The following PCDHGA11 variants were observed in gnomAD, a reference collection of about 807,000 sequenced individuals.
PCDHGA11 encodes protocadherin gamma subfamily A, 11.
In PCDHGA11, 39 loss-of-function variants were observed where a neutral mutation model predicts 60.4. The ratio of observed to expected loss-of-function variants is 0.65; its 90% confidence interval spans 0.50 to 0.84. The LOEUF (loss-of-function observed/expected upper bound fraction) is 0.84, where lower values mean the gene tolerates loss of function less well. Among genes scored for constraint, PCDHGA11 ranks in the 40% least tolerant of loss-of-function variants. The pLI, the probability that PCDHGA11 is intolerant of heterozygous loss-of-function variation, is 0.00. For synonymous variants in PCDHGA11, 533 were observed against 510.3 expected (o/e 1.04, Z -0.60); for missense variants, 1,165 against 1,197.7 (o/e 0.97, Z 0.40).
intron 1 of PCDHGA11, among the ~76,000 whole-genome samples, chr5:141,425,165 A>G (rs1391395593): frequency 6.6e-6 from 1 of 152,140 alleles, no homozygotes; most frequent in Non-Finnish European, 1.5e-5. Flanking sequence ...TAGGGATAGG[A>G]TTTATACTTG....
rs114669158 is a variant in PCDHGA11 at position 141,511,003 on chromosome 5, G to A, written c.2638G>A (p.Ala880Thr). The change falls in exon 4 of 4, where the codon GCC (alanine) becomes ACC (threonine). Residue 880 changes from alanine to threonine, a missense_variant. Physicochemically the swap from Ala to Thr is moderately conservative, Grantham distance 58 (BLOSUM62 0). Coordinates refer to ENST00000398587, the MANE Select transcript of PCDHGA11 (RefSeq NM_018914.3). Reference protein sequence around the residue: ...GGGAGTMGLSARYGPQFTLQH... With the variant: ...GGGAGTMGLSTRYGPQFTLQH... ...GGGTGCCGGCACCATGGGATTGAGCGCCCGCTACGGACCCCAGTTCACCCT... is the reference window on the plus strand; with the variant it reads ...GGGTGCCGGCACCATGGGATTGAGCACCCGCTACGGACCCCAGTTCACCCT... The A allele has an allele frequency of 1.0e-4, 163 of 1,614,148 alleles. 1 individual carries two copies. The highest frequency in any genetic ancestry group is 9.5e-5 in the Non-Finnish European group (112 of 1,180,012).
chr5:141,477,427 C>T lies in PCDHGA11; in HGVS notation c.2434-17380C>T. On this transcript the variant is annotated intron_variant, in intron 1 of 3. Coordinates refer to ENST00000398587, the MANE Select transcript of PCDHGA11 (RefSeq NM_018914.3). The surrounding 1 kb of genome is among the most constrained non-coding windows in gnomAD (Gnocchi z 4.9). ...CCCGAGACGCCGGAACCCCTTCCCT[C>T]TCAGCCCTTACAATAGTGCGTGTTC... The T allele has an allele frequency of 6.2e-7, 1 of 1,614,220 alleles. No homozygotes were observed. The highest frequency in any genetic ancestry group is 8.5e-7 in the Non-Finnish European group (1 of 1,180,046).
At position 141,423,166 on chromosome 5, in the gene PCDHGA11, G is replaced by A. The variant is rs367805855; in HGVS notation, c.1939G>A (p.Val647Ile). ...GCTCAAGCAGAGCCTCGTGGTGGCC[G>A]TCCAGGACCACGGCCAGCCCCCTCT... ...DALKQSLVVA[V>I]QDHGQPPLSA... The change falls in exon 1 of 4, where the codon GTC becomes ATC. Residue 647 changes from valine (V) to isoleucine (I), a missense_variant. By Grantham distance (29) the Val-to-Ile change is conservative. Transcript: ENST00000398587. 2.4e-5 allele frequency: 38 copies of A among 1,613,476 alleles called. No individual in the cohort carries two copies. The South Asian group carries it at 2.5e-4, about 11-fold the overall frequency.
chr5:141,498,531 G>A (rs1384404653), intron 2 of PCDHGA11, among the ~76,000 whole-genome samples: 3 of 148,544 alleles, frequency 2.0e-5, no homozygotes, highest in Non-Finnish European at 4.4e-5. Context: ...CTGCCCTCCA[G>A]CCTGGTCTGG....
chr5:141,476,733 G>C lies in PCDHGA11; in HGVS notation c.2434-18074G>C, dbSNP rs373439335. On this transcript the variant is annotated intron_variant, in intron 1 of 3. Transcript: ENST00000398587. This position sits in a 1 kb window ranked among gnomAD's most constrained non-coding sequence, Gnocchi z 7.6. ...TTGGAGCGCGCCCTGGACCGAGAAC[G>C]GGAGCCTAGTCTCCAGTTAGTGCTG... 6.2e-6 allele frequency: 10 copies of C among 1,614,062 alleles called. No individual in the cohort carries two copies. The highest frequency in any genetic ancestry group is 2.2e-5 in the East Asian group (1 of 44,870).
chr5:141,469,756 A>G (rs2099210350), intron 1 of PCDHGA11, among the ~76,000 whole-genome samples: 1 of 152,252 alleles, frequency 6.6e-6, no homozygotes. Context: ...ACAAAAATAC[A>G]TATATACCAG....
At chr5:141,430,140 A>C (rs1295602149) in intron 1 of PCDHGA11, among the ~76,000 whole-genome samples, 1 of 152,202 alleles carries the variant, frequency 6.6e-6, no homozygotes, top group Non-Finnish European at 1.5e-5. Context: ...CCTTCCATTC[A>C]GGATCATTCA....
chr5:141,485,895 C>G lies in PCDHGA11; in HGVS notation c.2434-8912C>G, dbSNP rs1243568042. On this transcript the variant is annotated intron_variant, in intron 1 of 3. Coordinates refer to ENST00000398587, the MANE Select transcript of PCDHGA11 (RefSeq NM_018914.3). This position sits in a 1 kb window ranked among gnomAD's most constrained non-coding sequence, Gnocchi z 5.7. Reference sequence around the variant, plus strand: ...CTGGACGTAAACGACAACGCCCCAGCCTTCCAGCAATCCAGCTACAGGATT... The same window carrying G: ...CTGGACGTAAACGACAACGCCCCAGGCTTCCAGCAATCCAGCTACAGGATT... 3 of 1,614,136 alleles carry G rather than the reference C, an allele frequency of 1.9e-6. No individual in the cohort carries two copies. The highest frequency in any genetic ancestry group is 2.5e-6 in the Non-Finnish European group (3 of 1,180,036).
rs144018757 is a variant in PCDHGA11, at chr5:141,443,001, A to G, written c.2433+19341A>G. On this transcript the variant is annotated intron_variant, in intron 1 of 3. Transcript: ENST00000398587. ...GTTAGCCTATAATTTCAGTAAATCTAAGAATATGACTAATGGAAGTTGCCA... is the reference window on the plus strand; with the variant it reads ...GTTAGCCTATAATTTCAGTAAATCTGAGAATATGACTAATGGAAGTTGCCA... Among the ~76,000 whole-genome samples the G allele has an allele frequency of 1.3e-3, 194 of 152,312 alleles. 1 individual carries two copies. The East Asian group carries it at 0.032, about 25-fold the overall frequency.
Position 141,485,818 on chromosome 5 carries a change from C to A in PCDHGA11, c.2434-8989C>A, listed in dbSNP as rs757848513. The A allele has an allele frequency of 1.2e-6, 2 of 1,613,910 alleles. No individual in the cohort carries two copies. The highest frequency in any genetic ancestry group is 1.7e-6 in the Non-Finnish European group (2 of 1,179,974). On this transcript the variant is annotated intron_variant, in intron 1 of 3. Transcript: ENST00000398587. The surrounding 1 kb of genome is among the most constrained non-coding windows in gnomAD (Gnocchi z 5.7). ...ACTACCGCCTGGTGCTGACTGCTGT[C>A]GATGGAGGGAACCCGCCGAGATCTG...
chr5:141,492,558 G>A (rs879634396), intron 1 of PCDHGA11, among the ~76,000 whole-genome samples: 1 of 152,236 alleles, frequency 6.6e-6, no homozygotes, highest in South Asian at 2.1e-4. Context: ...CGCCTGGGGG[G>A]CGGCCTGAGC....
chr5:141,487,029 T>C lies in PCDHGA11; in HGVS notation c.2434-7778T>C. 1.2e-6 allele frequency: 2 copies of C among 1,614,226 alleles called. No individual in the cohort carries two copies. Among genetic ancestry groups the C allele is most frequent in the Non-Finnish European group, 1.7e-6 (2 of 1,180,040 alleles). ...CTGGAGGCCCCAGATCCCAGCCTGT[T>C]TGCAGTCTCTCGATATGCTGGGGAG... is the stretch of plus-strand genomic sequence containing the variant. On this transcript the variant is annotated intron_variant, in intron 1 of 3. Coordinates refer to ENST00000398587, the MANE Select transcript of PCDHGA11 (RefSeq NM_018914.3). The surrounding 1 kb of genome is among the most constrained non-coding windows in gnomAD (Gnocchi z 5.0).
chr5:141,427,454 T>C (rs62379160), intron 1 of PCDHGA11: 18,356 of 489,902 alleles, frequency 0.037, 441 homozygotes, highest in Middle Eastern at 0.11. Context: ...GAGTTCCTTT[T>C]AGAATCGAAT....
Position 141,491,713 on chromosome 5 carries a change from G to T in PCDHGA11, c.2434-3094G>T. The T allele has an allele frequency of 6.2e-7, 1 of 1,609,174 alleles. No individual in the cohort carries two copies. The highest frequency in any genetic ancestry group is 8.5e-7 in the Non-Finnish European group (1 of 1,178,054). On this transcript the variant is annotated intron_variant, in intron 1 of 3. Transcript: ENST00000398587. The surrounding 1 kb of genome is among the most constrained non-coding windows in gnomAD (Gnocchi z 6.9). ...GGAGCGGAGCCAGGTGAGGGGCTCG[G>T]CGCCGCCCCGGGCGACCCCTGGGGG...
At position 141,433,142 on chromosome 5, in the gene PCDHGA11, G is replaced by T. The variant is rs2097571106; in HGVS notation, c.2433+9482G>T. On this transcript the variant is annotated intron_variant, in intron 1 of 3. Coordinates refer to ENST00000398587, the MANE Select transcript of PCDHGA11 (RefSeq NM_018914.3). ...AAAAAGCGAGCCCCTTTTGCTGTCA[G>T]GTGATTCGGTATTTTCTAAAGACAG... The T allele has an allele frequency of 4.7e-5, 76 of 1,613,992 alleles. No homozygotes were observed. Among genetic ancestry groups the T allele is most frequent in the Non-Finnish European group, 6.4e-5 (76 of 1,180,016 alleles).
intron 1 of PCDHGA11, among the ~76,000 whole-genome samples, chr5:141,494,034 A>T (rs1206242414): frequency 1.3e-5 from 2 of 152,162 alleles, no homozygotes; most frequent in Non-Finnish European, 2.9e-5. Flanking sequence ...CTGGAGACTT[A>T]GTTGGCCCTG....
In PCDHGA11 at chr5:141,423,448, T is replaced by A. The variant is rs780751840; in HGVS notation, c.2221T>A (p.Phe741Ile). The change falls in exon 1 of 4, where the codon TTT (phenylalanine) becomes ATT (isoleucine). Residue 741 changes from phenylalanine (F) to isoleucine (I), a missense_variant. Phe to Ile is a conservative substitution (Grantham distance 21). Transcript: ENST00000398587. Reference sequence around the variant, plus strand: ...GTTGGCAGGTATGCCCACGTCACATTTTGTAGGCGTGGACGGGGTACAGGC... The same window carrying A: ...GTTGGCAGGTATGCCCACGTCACATATTGTAGGCGTGGACGGGGTACAGGC... The part of the protein sequence containing the change: ...GGLAGMPTSH[F>I]VGVDGVQAFL... 6.2e-7 allele frequency: 1 copy of A among 1,613,992 alleles called. No homozygotes were observed. The highest frequency in any genetic ancestry group is 2.2e-5 in the East Asian group (1 of 44,886).
rs2099403992 is a variant in PCDHGA11, at chr5:141,477,030, C to T, written c.2434-17777C>T. On this transcript the variant is annotated intron_variant, in intron 1 of 3. Transcript: ENST00000398587. This position sits in a 1 kb window ranked among gnomAD's most constrained non-coding sequence, Gnocchi z 4.9. ...TTAGACCTTGTAACCGGGATGCTGACAATCAAGGGTCGGCTGGACTTCGAG... is the reference window on the plus strand; with the variant it reads ...TTAGACCTTGTAACCGGGATGCTGATAATCAAGGGTCGGCTGGACTTCGAG... The T allele has an allele frequency of 1.2e-6, 2 of 1,614,272 alleles. No homozygotes were observed. The highest frequency in any genetic ancestry group is 1.6e-4 in the Middle Eastern group (1 of 6,062).
chr5:141,438,165 G>GA (rs1252266607), intron 1 of PCDHGA11, among the ~76,000 whole-genome samples: 2 of 152,076 alleles, frequency 1.3e-5, no homozygotes, highest in East Asian at 3.8e-4. Flanking sequence ...AAGCTAATTG[G>GA]AAAAAATATT....
Sources: gnomAD v4.1 joint callset for allele counts (sites outside exome capture counted in the v4.1 genomes callset) on GRCh38, gnomAD v4.1.1 for gene constraint, Gnocchi (gnomAD v3.1) non-coding constraint, MANE v1.5 for transcripts, NCBI Gene and HGNC (gene_info 2026-07-23, HGNC 2026-07-21) for gene names.